The following STX8 variants were observed in gnomAD, a reference collection of about 807,000 sequenced individuals.
STX8 encodes syntaxin-8.
STX8 carries 23 observed loss-of-function variants against 37.5 expected under a neutral mutation model. The ratio of observed to expected loss-of-function variants is 0.61; its 90% confidence interval spans 0.44 to 0.87. The LOEUF (loss-of-function observed/expected upper bound fraction) is 0.87, where lower values mean the gene tolerates loss of function less well. STX8 is among the 40% of genes least tolerant of loss of function. The pLI, the probability that STX8 is intolerant of heterozygous loss-of-function variation, is 0.00. For missense variants in STX8, 313 were observed against 284.7 expected, an observed-to-expected ratio of 1.10 and a Z score of -0.71; for synonymous variants, 115 against 99.1, an observed-to-expected ratio of 1.16 and a Z score of -0.95.
chr17:9,399,193 T>C (rs994723057), intron 6 of STX8, among the ~76,000 whole-genome samples: 1 of 152,158 alleles, frequency 6.6e-6, no homozygotes, highest in Admixed American at 6.5e-5. Flanking sequence ...TATATCCACA[T>C]GAACCTCAGG....
chr17:9,269,597 T>C (rs1010672480), intron 7 of STX8, among the ~76,000 whole-genome samples: 5 of 152,232 alleles, frequency 3.3e-5, no homozygotes, highest in African/African-American at 1.2e-4. Context: ...AAAAGTAAGA[T>C]AGACAACCCA....
chr17:9,287,956 G>A (rs1423678288), intron 7 of STX8, among the ~76,000 whole-genome samples: 1 of 151,448 alleles, frequency 6.6e-6, no homozygotes, highest in Non-Finnish European at 1.5e-5. Flanking sequence ...CACCATGTTG[G>A]CCAGGATGGT....
At chr17:9,546,480 G>GGGCGCA (rs1906517031) in intron 3 of STX8, among the ~76,000 whole-genome samples, 1 of 36,114 alleles carries the variant, frequency 2.8e-5, no homozygotes, top group Non-Finnish European at 6.4e-5. Context: ...AATGCGGCGC[G>GGGCGCA]TGCGCATGAA....
chr17:9,379,398 AAG>A (rs1911714662), intron 6 of STX8, among the ~76,000 whole-genome samples: 1 of 152,202 alleles, frequency 6.6e-6, no homozygotes, highest in Non-Finnish European at 1.5e-5. Flanking sequence ...ATACTGGACT[AAG>A]AGTAAACAAA....
intron 6 of STX8, among the ~76,000 whole-genome samples, chr17:9,407,643 G>A (rs1317536943): frequency 6.6e-6 from 1 of 151,340 alleles, no homozygotes; most frequent in Non-Finnish European, 1.5e-5. Flanking sequence ...ACATTGGTTT[G>A]GTCCAGAAAG....
At chr17:9,479,448 CG>C (rs1406454789) in intron 6 of STX8, among the ~76,000 whole-genome samples, 12 of 151,550 alleles carry the variant, frequency 7.9e-5, no homozygotes, top group Non-Finnish European at 1.6e-4. Context: ...GTAGGAGAAT[CG>C]CTTGAACCCA....
intron 7 of STX8, among the ~76,000 whole-genome samples, chr17:9,347,579 G>C (rs78079328): frequency 2.0e-5 from 3 of 152,102 alleles, no homozygotes; most frequent in South Asian, 4.2e-4. Context: ...GCAGTGGCAC[G>C]ACGTCAGCTC....
rs544690693 is a variant in STX8 at position 9,369,566 on chromosome 17, T to C, written c.643+8986A>G. Among the ~76,000 whole-genome samples, 15 of 152,218 alleles carry C rather than the reference T, an allele frequency of 9.9e-5. 1 individual carries two copies. In the East Asian group the frequency reaches 1.2e-3, roughly 12 times the overall value. On this transcript the variant is annotated intron_variant, in intron 7 of 7. Transcript: ENST00000306357. ...TACTTAGAACTCAGTTTCTTACCTATGTTTTATAAGGTTCAAAAGAGCTAA... is the reference window on the plus strand; with the variant it reads ...TACTTAGAACTCAGTTTCTTACCTACGTTTTATAAGGTTCAAAAGAGCTAA...
chr17:9,391,721 A>AG (rs200814602), intron 6 of STX8, among the ~76,000 whole-genome samples: 221 of 145,446 alleles, frequency 1.5e-3, no homozygotes, highest in African/African-American at 5.1e-3. Flanking sequence ...AGAGAGAGAG[A>AG]AAAAAAAAAA....
intron 6 of STX8, among the ~76,000 whole-genome samples, chr17:9,391,753 A>G (rs1389251319): frequency 2.0e-5 from 3 of 151,994 alleles, no homozygotes; most frequent in Non-Finnish European, 2.9e-5. Context: ...TGCTATATAG[A>G]TGGGAAGCAT....
chr17:9,378,538 T>C lies in STX8; in HGVS notation c.643+14A>G. 6.2e-7 allele frequency: 1 copy of C among 1,605,620 alleles called. No homozygotes were observed. Among genetic ancestry groups the C allele is most frequent in the Non-Finnish European group, 8.5e-7 (1 of 1,172,392 alleles). On this transcript the variant is annotated intron_variant, in intron 7 of 7. Coordinates refer to ENST00000306357, the MANE Select transcript of STX8 (RefSeq NM_004853.3). ...CTATGACAGAAACAGAGCCATAACG[T>C]AGCTATCTCTTACCACAAGAGGCTG... is the stretch of plus-strand genomic sequence containing the variant.
intron 3 of STX8, chr17:9,553,751 G>A (rs1024423327): frequency 2.0e-5 from 3 of 152,146 alleles, no homozygotes; most frequent in Non-Finnish European, 2.9e-5. Context: ...GATTTGTCTT[G>A]GCAGTCCAGT....
intron 4 of STX8, among the ~76,000 whole-genome samples, chr17:9,538,523 G>A (rs901330680): frequency 1.3e-5 from 2 of 152,074 alleles, no homozygotes; most frequent in African/African-American, 2.4e-5. Flanking sequence ...CTTGGCTACC[G>A]ATATACTGAT....
At chr17:9,544,234 C>T (rs1337809872) in intron 4 of STX8, among the ~76,000 whole-genome samples, 4 of 152,182 alleles carry the variant, frequency 2.6e-5, no homozygotes, top group Non-Finnish European at 4.4e-5. Flanking sequence ...TCATTGCCTT[C>T]TGTGATGGTT....
At chr17:9,315,068 C>T (rs1909334694) in intron 7 of STX8, among the ~76,000 whole-genome samples, 1 of 145,164 alleles carries the variant, frequency 6.9e-6, no homozygotes, top group Admixed American at 7.0e-5. Flanking sequence ...TGCCACTGCA[C>T]TCCAGCCTGG....
chr17:9,570,490 A>G (rs1597751199), intron 1 of STX8, among the ~76,000 whole-genome samples: 1 of 152,016 alleles, frequency 6.6e-6, no homozygotes, highest in Non-Finnish European at 1.5e-5. Context: ...CCTATCGTTT[A>G]TATCATATAT....
At chr17:9,446,382 A>C (rs1362902150) in intron 6 of STX8, among the ~76,000 whole-genome samples, 1 of 152,196 alleles carries the variant, frequency 6.6e-6, no homozygotes, top group Non-Finnish European at 1.5e-5. Flanking sequence ...CAACTTTCGA[A>C]AATTATTTTA....
intron 4 of STX8, among the ~76,000 whole-genome samples, chr17:9,528,993 G>T (rs1905691510): frequency 6.6e-6 from 1 of 152,098 alleles, no homozygotes; most frequent in Admixed American, 6.6e-5. Flanking sequence ...AGTCATTACG[G>T]GGGAAATATA....
In STX8 at chr17:9,256,773, C is replaced by A. The variant is rs73973384; in HGVS notation, c.644-6128G>T. 1.5e-3 allele frequency among the ~76,000 whole-genome samples: 225 copies of A among 152,308 alleles called. 1 individual carries two copies. The highest frequency in any genetic ancestry group is 4.9e-3 in the African/African-American group (204 of 41,556). ...CCAGTTTCAGGGGCGCAGCCGACCC[C>A]CCTGCCGGAGGGACATGGGACCTCA... On this transcript the variant is annotated intron_variant, in intron 7 of 7. Transcript: ENST00000306357.
Sources: allele counts gnomAD v4.1 joint callset (sites outside exome capture counted in the v4.1 genomes callset), GRCh38; gene constraint gnomAD v4.1.1; transcripts MANE v1.5; gene names NCBI Gene and HGNC (gene_info 2026-07-23, HGNC 2026-07-21).